Variants in CCDC102B observed in about 807,000 individuals in gnomAD.
CCDC102B encodes coiled-coil domain-containing protein 102B.
CCDC102B carries 75 observed loss-of-function variants against 57.4 expected under a neutral mutation model. The observed-to-expected ratio is 1.31, with a 90% CI of 1.08 to 1.58. CCDC102B has a LOEUF of 1.58. CCDC102B is among the 40% of genes most tolerant of loss of function. The probability of loss-of-function intolerance (pLI) is 0.00; values close to 1 mark genes in which losing one functional copy is unlikely to be tolerated. For synonymous variants in CCDC102B, 206 were observed against 201.9 expected (o/e 1.02, Z -0.17); for missense variants, 636 against 582.6 (o/e 1.09, Z -0.94).
intron 2 of CCDC102B, among the ~76,000 whole-genome samples, chr18:68,737,220 A>G (rs756210887): frequency 3.9e-5 from 6 of 152,128 alleles, no homozygotes; most frequent in Non-Finnish European, 5.9e-5. Flanking sequence ...AAAACAAAGT[A>G]TTCTTGACAG....
At chr18:68,866,796 T>A in intron 4 of CCDC102B, 1 of 693,856 alleles carries the variant, frequency 1.4e-6, no homozygotes, top group Non-Finnish European at 2.7e-6. Flanking sequence ...TTTTGCTCCC[T>A]GGGAACTTTG....
At chr18:69,044,783 T>A (rs1430972728) in intron 7 of CCDC102B, among the ~76,000 whole-genome samples, 1 of 152,154 alleles carries the variant, frequency 6.6e-6, no homozygotes, top group Non-Finnish European at 1.5e-5. Flanking sequence ...TGTCAATGAA[T>A]CTCTGTAAAT....
chr18:68,805,987 A>G (rs1367008385), intron 1 of CCDC102B, among the ~76,000 whole-genome samples: 1 of 152,188 alleles, frequency 6.6e-6, no homozygotes, highest in African/African-American at 2.4e-5. Context: ...GACTGTATTA[A>G]AGAGCAATCT....
At chr18:68,820,184 G>A (rs2036638956) in intron 1 of CCDC102B, among the ~76,000 whole-genome samples, 1 of 151,972 alleles carries the variant, frequency 6.6e-6, no homozygotes, top group South Asian at 2.1e-4. Context: ...AAAGGGGATC[G>A]CTTTAGGTTT....
At chr18:68,852,247 AT>A (rs997894148) in intron 4 of CCDC102B, among the ~76,000 whole-genome samples, 1 of 151,704 alleles carries the variant, frequency 6.6e-6, no homozygotes, top group African/African-American at 2.4e-5. Flanking sequence ...CTTCCCACTC[AT>A]TTTTTTTCTT....
Position 68,860,561 on chromosome 18 carries a change from G to C in CCDC102B, c.937-14108G>C, listed in dbSNP as rs1174733685. Among the ~76,000 whole-genome samples, 3 of 116,368 alleles carry C rather than the reference G, an allele frequency of 2.6e-5. 1 individual carries two copies. The South Asian group carries it at 9.0e-4, about 35-fold the overall frequency. The allele number at this position is 116,368 out of a possible 152,430, so 76.3% of individuals were successfully genotyped here. Reference sequence around the variant, plus strand: ...ACACCCCTGCCACACAGGCCTCCCTGCCTGTCCTCAAATATGCCTGGCAAC... The same window carrying C: ...ACACCCCTGCCACACAGGCCTCCCTCCCTGTCCTCAAATATGCCTGGCAAC... On this transcript the variant is annotated intron_variant, in intron 4 of 7. Transcript: ENST00000360242.
chr18:68,760,982 A>G (rs1171189819), intron 2 of CCDC102B, among the ~76,000 whole-genome samples: 1 of 152,068 alleles, frequency 6.6e-6, no homozygotes, highest in African/African-American at 2.4e-5. Context: ...TTTTGCAGCA[A>G]AGTAAAGGCA....
At chr18:68,955,382 G>C (rs1364111460) in intron 6 of CCDC102B, among the ~76,000 whole-genome samples, 1 of 152,074 alleles carries the variant, frequency 6.6e-6, no homozygotes, top group Non-Finnish European at 1.5e-5. Context: ...TTACACTGTA[G>C]AGCTATTATT....
intron 2 of CCDC102B, among the ~76,000 whole-genome samples, chr18:68,732,783 T>G (rs542376667): frequency 1.7e-4 from 26 of 152,308 alleles, no homozygotes; most frequent in African/African-American, 6.3e-4. Context: ...GATACCATAG[T>G]TCCCAGATCT....
chr18:68,765,312 G>GAAAGAAA (rs2034397468), intron 2 of CCDC102B, among the ~76,000 whole-genome samples: 1 of 100,700 alleles, frequency 9.9e-6, no homozygotes, highest in African/African-American at 4.5e-5. Flanking sequence ...AAGGAAGGAA[G>GAAAGAAA]GAAGGAAGGA....
At chr18:68,973,460 A>G (rs1323192069) in intron 6 of CCDC102B, among the ~76,000 whole-genome samples, 2 of 152,132 alleles carry the variant, frequency 1.3e-5, no homozygotes, top group Non-Finnish European at 2.9e-5. Context: ...CTTGTTCAAC[A>G]GTGTCTCTGG....
At chr18:68,878,329 G>A (rs970224670) in intron 5 of CCDC102B, among the ~76,000 whole-genome samples, 9 of 152,050 alleles carry the variant, frequency 5.9e-5, no homozygotes, top group African/African-American at 2.2e-4. Flanking sequence ...GAACTCCTAA[G>A]CTAAATGATC....
intron 3 of CCDC102B, among the ~76,000 whole-genome samples, chr18:68,844,272 TTTTC>T (rs2037760297): frequency 6.6e-6 from 1 of 151,878 alleles, no homozygotes; most frequent in Non-Finnish European, 1.5e-5. Context: ...CTCTAGGTAT[TTTTC>T]AAGTATGTTT....
chr18:68,745,661 G>A (rs553460828), intron 2 of CCDC102B, among the ~76,000 whole-genome samples: 7 of 152,084 alleles, frequency 4.6e-5, no homozygotes, highest in African/African-American at 1.4e-4. Context: ...TCACCCTACT[G>A]TGCCATCAAA....
chr18:68,895,082 A>G (rs1568316081), intron 5 of CCDC102B, among the ~76,000 whole-genome samples: 1 of 151,774 alleles, frequency 6.6e-6, no homozygotes, highest in Non-Finnish European at 1.5e-5. Flanking sequence ...TTTTATTCTG[A>G]TAAGTGAGGC....
chr18:68,948,404 C>T lies in CCDC102B; in HGVS notation c.1263+50976C>T, dbSNP rs150157096. Among the ~76,000 whole-genome samples, 222 of 152,198 alleles carry T rather than the reference C, an allele frequency of 1.5e-3. 1 individual carries two copies. Among genetic ancestry groups the T allele is most frequent in the African/African-American group, 4.4e-3 (184 of 41,544 alleles). On this transcript the variant is annotated intron_variant, in intron 6 of 7. Transcript: ENST00000360242. Reference sequence around the variant, plus strand: ...AAATGATGTCTTTTTCATTAATCTGCAATCTAACACATGCTATCTTTATTA... The same window carrying T: ...AAATGATGTCTTTTTCATTAATCTGTAATCTAACACATGCTATCTTTATTA...
chr18:68,856,589 G>A (rs1296309702), intron 4 of CCDC102B, among the ~76,000 whole-genome samples: 1 of 152,190 alleles, frequency 6.6e-6, no homozygotes, highest in African/African-American at 2.4e-5. Flanking sequence ...GTGAGCCACT[G>A]TGCACAGCCC....
In CCDC102B at chr18:69,010,950, A is replaced by G. The variant is rs2051498868; in HGVS notation, c.1280A>G (p.Gln427Arg). The G allele has an allele frequency of 2.5e-6, 4 of 1,597,184 alleles. No individual in the cohort carries two copies. The highest frequency in any genetic ancestry group is 3.4e-6 in the Non-Finnish European group (4 of 1,170,764). ...CTTTGAAAGGAATTACTGAACCTTC[A>G]ACATGCCTACTATAAACTAAACAGA... ...QEKNQELLNLQHAYYKLNRQY... is the reference protein window; with the variant it reads ...QEKNQELLNLRHAYYKLNRQY... Residue 427 changes from glutamine (Q) to arginine (R), a missense_variant, in exon 7 of 8, where the codon CAA (glutamine) becomes CGA (arginine). Coordinates refer to ENST00000360242, the MANE Select transcript of CCDC102B (RefSeq NM_024781.3).
At chr18:68,785,897 C>T (rs1461099068) in intron 2 of CCDC102B, among the ~76,000 whole-genome samples, 1 of 150,664 alleles carries the variant, frequency 6.6e-6, no homozygotes, top group Non-Finnish European at 1.5e-5. Context: ...ACATGAAGTC[C>T]TTGCCCATGC....
Sources: gnomAD v4.1 joint callset for allele counts (sites outside exome capture counted in the v4.1 genomes callset) on GRCh38, gnomAD v4.1.1 for gene constraint, MANE v1.5 for transcripts, NCBI Gene and HGNC (gene_info 2026-07-23, HGNC 2026-07-21) for gene names.